The following DPP6 variants were observed in gnomAD, a reference collection of about 807,000 sequenced individuals.
DPP6 encodes dipeptidyl peptidase like 6.
In DPP6, 69 loss-of-function variants were observed where a neutral mutation model predicts 122.6. The observed-to-expected ratio is 0.56, with a 90% CI of 0.46 to 0.69. The LOEUF is 0.69. Among genes scored for constraint, DPP6 ranks in the 30% least tolerant of loss-of-function variants. The pLI is 0.00. For synonymous variants in DPP6, 418 were observed against 433.1 expected (o/e 0.97, Z 0.43); for missense variants, 928 against 1,116.9 (o/e 0.83, Z 2.41).
chr7:154,615,603 T>C (rs1002777753), intron 5 of DPP6, among the ~76,000 whole-genome samples: 1 of 152,192 alleles, frequency 6.6e-6, no homozygotes, highest in Non-Finnish European at 1.5e-5. Flanking sequence ...CCACTATCTA[T>C]ACACAAAACT....
At chr7:154,660,310 T>C (rs1401534351) in intron 6 of DPP6, among the ~76,000 whole-genome samples, 2 of 141,718 alleles carry the variant, frequency 1.4e-5, no homozygotes, top group African/African-American at 5.5e-5. Flanking sequence ...CATGGCGTAT[T>C]GGCCGTAGTG....
chr7:154,807,977 G>C (rs1448516641), intron 16 of DPP6, among the ~76,000 whole-genome samples: 1 of 152,156 alleles, frequency 6.6e-6, no homozygotes, highest in African/African-American at 2.4e-5. Flanking sequence ...GTTGCATATG[G>C]GATACAAAGG....
At chr7:153,778,497 G>A in the DPP6 span, among the ~76,000 whole-genome samples, 2 of 150,186 alleles carry the variant, frequency 1.3e-5, no homozygotes, top group Non-Finnish European at 2.9e-5. Flanking sequence ...TGGGGGGAAT[G>A]GGTTCAGGTT....
the DPP6 span, among the ~76,000 whole-genome samples, chr7:153,878,942 G>C: frequency 1.3e-5 from 2 of 151,778 alleles, no homozygotes; most frequent in African/African-American, 4.8e-5. Flanking sequence ...GATAAAGAGA[G>C]GAGGAGGGGA....
In DPP6 at chr7:154,061,927, C is replaced by T. The variant is rs1457851762; in HGVS notation, c.243+8864C>T. Among the ~76,000 whole-genome samples the T allele has an allele frequency of 1.1e-4, 15 of 133,736 alleles. 2 individuals carry two copies. The Admixed American group carries it at 1.1e-3, about 10-fold the overall frequency. 87.7% of individuals were successfully genotyped at this position (133,736 alleles called of 152,430 possible). On this transcript the variant is annotated intron_variant, in intron 1 of 25. Coordinates refer to ENST00000377770, the MANE Select transcript of DPP6 (RefSeq NM_130797.4). ...CTTCCCCCCCTGGCTCTGAGGACCC[C>T]CATCGCAGGAGGGGGAGGCAACCCT...
intron 8 of DPP6, among the ~76,000 whole-genome samples, chr7:154,729,448 C>T (rs1370625956): frequency 6.6e-6 from 1 of 152,136 alleles, no homozygotes; most frequent in African/African-American, 2.4e-5. Flanking sequence ...AGTTCTATGA[C>T]TTGATTTTTA....
chr7:154,637,654 G>C (rs565346809), intron 5 of DPP6, among the ~76,000 whole-genome samples, 167 bp from the exon 6 acceptor site: 8 of 152,264 alleles, frequency 5.3e-5, no homozygotes, highest in Middle Eastern at 3.4e-3. Flanking sequence ...AAAATAAACA[G>C]GATATGCAAA....
At chr7:154,565,639 C>G (rs1358220878) in intron 4 of DPP6, among the ~76,000 whole-genome samples, 1 of 152,126 alleles carries the variant, frequency 6.6e-6, no homozygotes, top group East Asian at 1.9e-4. Context: ...GATTCTCCTG[C>G]CTCAGCCTCC....
chr7:153,803,437 G>A, the DPP6 span, among the ~76,000 whole-genome samples: 3 of 142,368 alleles, frequency 2.1e-5, no homozygotes. Context: ...GCAGAGGAAA[G>A]AATTCACCCC....
At chr7:154,408,852 A>G (rs1260758354) in intron 1 of DPP6, among the ~76,000 whole-genome samples, 1 of 151,666 alleles carries the variant, frequency 6.6e-6, no homozygotes, top group East Asian at 1.9e-4. Context: ...TCAAATTTAT[A>G]TGTTAAGGCC....
At chr7:154,732,103 A>G (rs1261607097) in intron 8 of DPP6, among the ~76,000 whole-genome samples, 3 of 151,824 alleles carry the variant, frequency 2.0e-5, no homozygotes, top group East Asian at 1.9e-4. Flanking sequence ...TAGTGGCGCA[A>G]TCTCGGCTCA....
intron 1 of DPP6, among the ~76,000 whole-genome samples, chr7:153,934,770 G>A (rs1352335786): frequency 6.6e-6 from 1 of 152,104 alleles, no homozygotes; most frequent in Non-Finnish European, 1.5e-5. Context: ...AGGAAACGAG[G>A]AAGCAGAACA....
chr7:154,844,845 T>C (rs1027219603), intron 16 of DPP6, among the ~76,000 whole-genome samples: 1 of 152,244 alleles, frequency 6.6e-6, no homozygotes, highest in Non-Finnish European at 1.5e-5. Context: ...ACGTTCTTTG[T>C]ATTCCACTAG....
intron 1 of DPP6, among the ~76,000 whole-genome samples, chr7:154,091,542 C>T (rs1804841584): frequency 6.6e-6 from 1 of 152,084 alleles, no homozygotes; most frequent in African/African-American, 2.4e-5. Context: ...TAGTTGTGTC[C>T]CGTCAGAAGC....
chr7:154,712,916 A>C (rs1399013400), intron 7 of DPP6, among the ~76,000 whole-genome samples: 1 of 152,140 alleles, frequency 6.6e-6, no homozygotes, highest in Non-Finnish European at 1.5e-5. Context: ...TCCAGCATTA[A>C]CTCAAAAGTC....
At chr7:154,633,178 G>A (rs1835511956) in intron 5 of DPP6, among the ~76,000 whole-genome samples, 1 of 151,828 alleles carries the variant, frequency 6.6e-6, no homozygotes, top group South Asian at 2.1e-4. Flanking sequence ...TCCAATCTTT[G>A]TATTTTTTAT....
intron 1 of DPP6, among the ~76,000 whole-genome samples, chr7:153,954,309 A>G (rs1802356501): frequency 6.6e-6 from 1 of 152,256 alleles, no homozygotes. Context: ...TTAGTATTAA[A>G]TAACTTTCTT....
intron 3 of DPP6, chr7:154,475,413 ATT>A: frequency 3.3e-6 from 1 of 301,944 alleles, no homozygotes; most frequent in Non-Finnish European, 6.5e-6. Context: ...CACAATCTTC[ATT>A]CCCCTTTGTT....
At chr7:154,850,408 G>A (rs573537392) in intron 16 of DPP6, among the ~76,000 whole-genome samples, 6 of 152,186 alleles carry the variant, frequency 3.9e-5, no homozygotes, top group African/African-American at 7.2e-5. Context: ...GGTTTTTGGC[G>A]GGGGTGGGGG....
Sources: gnomAD v4.1 joint callset for allele counts (sites outside exome capture counted in the v4.1 genomes callset) on GRCh38, gnomAD v4.1.1 for gene constraint, MANE v1.5 for transcripts, NCBI Gene and HGNC (gene_info 2026-07-23, HGNC 2026-07-21) for gene names.